Variants in RMST observed in about 807,000 individuals in gnomAD.
RMST encodes the protein rhabdomyosarcoma 2 associated transcript.
intron 10 of RMST, among the ~76,000 whole-genome samples, chr12:97,499,126 A>T: frequency 6.7e-6 from 1 of 150,342 alleles, no homozygotes; most frequent in East Asian, 2.0e-4. Context: ...AGCTTTTTCG[A>T]TTTTTTTTTC....
intron 5 of RMST, among the ~76,000 whole-genome samples, chr12:97,466,017 A>G (rs944533664): frequency 1.3e-5 from 2 of 152,140 alleles, no homozygotes; most frequent in Admixed American, 6.5e-5. Context: ...GATCAATAAA[A>G]GTAATATTTA....
At chr12:97,559,083 G>A (rs942497185) in intron 11 of RMST, among the ~76,000 whole-genome samples, 4 of 132,602 alleles carry the variant, frequency 3.0e-5, no homozygotes, top group East Asian at 2.0e-4. Context: ...ATATGATTTC[G>A]AGGTTTCTCT....
In RMST at chr12:97,488,687, TG is replaced by T. The variant is rs569811930; in HGVS notation, n.645-3770del. Among the ~76,000 whole-genome samples, 164 of 152,290 alleles carry T rather than the reference TG, an allele frequency of 1.1e-3. 1 individual carries two copies. The highest frequency in any genetic ancestry group is 3.8e-3 in the African/African-American group (159 of 41,560). ...TTACCTAGAATAGCTTCTGGGCCTC[TG>T]GGGTTTTCACGCTGTCTCTGGTGAA... is the stretch of plus-strand genomic sequence containing the variant. On this transcript the variant is annotated intron_variant and non_coding_transcript_variant, in intron 5 of 13. Coordinates refer to ENST00000640149, the Ensembl canonical transcript of RMST.
chr12:97,476,358 T>A (rs1237495165), intron 5 of RMST, among the ~76,000 whole-genome samples: 2 of 152,248 alleles, frequency 1.3e-5, no homozygotes, highest in Non-Finnish European at 2.9e-5. Flanking sequence ...TCCTGCTTCA[T>A]CTGCAGGCTC....
At chr12:97,513,846 A>G (rs563558463) in intron 10 of RMST, among the ~76,000 whole-genome samples, 1 of 152,286 alleles carries the variant, frequency 6.6e-6, no homozygotes, top group East Asian at 1.9e-4. Context: ...AAGGAACTGT[A>G]TAGGTTATGT....
intron 5 of RMST, among the ~76,000 whole-genome samples, chr12:97,480,335 C>T (rs1875124057): frequency 1.3e-5 from 2 of 152,078 alleles, no homozygotes; most frequent in South Asian, 4.1e-4. Context: ...CGTGATCTGC[C>T]CGCCTCAGCC....
At chr12:97,485,262 T>C (rs1875949617) in intron 5 of RMST, among the ~76,000 whole-genome samples, 1 of 152,196 alleles carries the variant, frequency 6.6e-6, no homozygotes, top group South Asian at 2.1e-4. Flanking sequence ...TAATCATAAT[T>C]ATGACCCTTA....
rs76931476 is a variant in RMST, at chr12:97,500,495, G to A, written n.1340+4439G>A. Among the ~76,000 whole-genome samples the A allele has an allele frequency of 9.0e-3, 1,363 of 152,238 alleles. 17 individuals carry two copies. The highest frequency in any genetic ancestry group is 0.031 in the African/African-American group (1,290 of 41,530). On this transcript the variant is annotated intron_variant and non_coding_transcript_variant, in intron 10 of 13. Transcript: ENST00000640149. ...TAATGACTGCTGACTTGAGGTTTTTGCTAGACACTGCATAGGCACTGAACT... is the reference window on the plus strand; with the variant it reads ...TAATGACTGCTGACTTGAGGTTTTTACTAGACACTGCATAGGCACTGAACT...
chr12:97,471,398 T>C (rs1366111664), intron 5 of RMST, among the ~76,000 whole-genome samples: 2 of 151,994 alleles, frequency 1.3e-5, no homozygotes, highest in Non-Finnish European at 2.9e-5. Context: ...TGGGAATTCC[T>C]ACCTGCTAGT....
chr12:97,496,773 T>C (rs1877471415), intron 10 of RMST, among the ~76,000 whole-genome samples: 1 of 152,126 alleles, frequency 6.6e-6, no homozygotes, highest in Admixed American at 6.5e-5. Context: ...GCTGTGGAAT[T>C]GTCTTTTTGG....
intron 11 of RMST, among the ~76,000 whole-genome samples, chr12:97,542,738 A>T (rs1285566634): frequency 6.6e-6 from 1 of 151,966 alleles, no homozygotes; most frequent in Non-Finnish European, 1.5e-5. Flanking sequence ...GATAGCACGC[A>T]TGGCAGAGTT....
intron 5 of RMST, among the ~76,000 whole-genome samples, chr12:97,467,110 A>G (rs897838422): frequency 1.3e-5 from 2 of 152,062 alleles, no homozygotes; most frequent in East Asian, 3.8e-4. Flanking sequence ...GATGTCATAT[A>G]TATTTTAAAA....
Position 97,507,145 on chromosome 12 carries a change from A to G in RMST, n.1340+11089A>G, listed in dbSNP as rs1000082289. Among the ~76,000 whole-genome samples the G allele has an allele frequency of 3.3e-5, 5 of 152,178 alleles. No individual in the cohort carries two copies. In the South Asian group the frequency reaches 1.0e-3, roughly 32 times the overall value. On this transcript the variant is annotated intron_variant and non_coding_transcript_variant, in intron 10 of 13. Transcript: ENST00000640149. ...GAGACCAGGTGGTGATGGACTGAATATAAAGCAAAGACATCTGGATTTTTA... is the reference window on the plus strand; with the variant it reads ...GAGACCAGGTGGTGATGGACTGAATGTAAAGCAAAGACATCTGGATTTTTA...
At chr12:97,479,500 A>C (rs1874971109) in intron 5 of RMST, among the ~76,000 whole-genome samples, 1 of 151,752 alleles carries the variant, frequency 6.6e-6, no homozygotes, top group African/African-American at 2.4e-5. Context: ...CTCCTACCTT[A>C]CTACTGATGA....
intron 4 of RMST, chr12:97,464,894 G>A (rs1872993559): frequency 6.6e-6 from 1 of 152,198 alleles, no homozygotes; most frequent in South Asian, 2.1e-4. Flanking sequence ...CTAAAAATAT[G>A]TTTTGTTCTG....
intron 10 of RMST, among the ~76,000 whole-genome samples, chr12:97,522,346 T>C (rs1404129912): frequency 6.6e-6 from 1 of 152,226 alleles, no homozygotes; most frequent in African/African-American, 2.4e-5. Flanking sequence ...TTTACCTCCA[T>C]GATTCTTCCT....
intron 5 of RMST, among the ~76,000 whole-genome samples, chr12:97,489,880 C>A (rs940453743): frequency 4.6e-5 from 7 of 151,904 alleles, no homozygotes; most frequent in African/African-American, 1.7e-4. Context: ...ATTTTCATTC[C>A]CATTTTATAG....
intron 5 of RMST, among the ~76,000 whole-genome samples, chr12:97,480,638 T>C (rs2136418739): frequency 6.6e-6 from 1 of 152,328 alleles, no homozygotes; most frequent in East Asian, 1.9e-4. Flanking sequence ...CCAAGCTAAA[T>C]TCTAGCCTTA....
At chr12:97,547,282 C>T (rs1883011941) in intron 11 of RMST, among the ~76,000 whole-genome samples, 1 of 151,738 alleles carries the variant, frequency 6.6e-6, no homozygotes, top group Non-Finnish European at 1.5e-5. Context: ...ATCCATCCAT[C>T]TGTTGATGAA....
Sources: allele counts gnomAD v4.1 joint callset (sites outside exome capture counted in the v4.1 genomes callset), GRCh38; gene constraint gnomAD v4.1.1; transcripts MANE v1.5; gene names NCBI Gene and HGNC (gene_info 2026-07-23, HGNC 2026-07-21).